NBEA: variants seen among roughly 807,000 people sequenced by gnomAD.
NBEA encodes the protein lysosomal-trafficking regulator 2.
NBEA carries 44 observed loss-of-function variants against 343.4 expected under a neutral mutation model. The observed-to-expected ratio is 0.13, with a 90% CI of 0.10 to 0.16. The LOEUF (loss-of-function observed/expected upper bound fraction) is 0.16, where lower values mean the gene tolerates loss of function less well. Among genes scored for constraint, NBEA ranks in the 10% least tolerant of loss-of-function variants. The pLI, the probability that NBEA is intolerant of heterozygous loss-of-function variation, is 1.00. For synonymous variants in NBEA, 1,175 were observed against 1,238.7 expected (o/e 0.95, Z 1.08); for missense variants, 2,555 against 3,631.3 (o/e 0.70, Z 7.62).
intron 38 of NBEA, among the ~76,000 whole-genome samples, chr13:35,413,021 C>T (rs1342776075): frequency 6.6e-6 from 1 of 152,112 alleles, no homozygotes; most frequent in African/African-American, 2.4e-5. Flanking sequence ...ACAATAAGCT[C>T]TCAGTAAATA....
At chr13:35,102,361 C>T (rs1197031396) in intron 11 of NBEA, among the ~76,000 whole-genome samples, 3 of 151,630 alleles carry the variant, frequency 2.0e-5, no homozygotes, top group Non-Finnish European at 4.4e-5. Flanking sequence ...TGTCATCTAG[C>T]TTTACTGTTG....
intron 38 of NBEA, among the ~76,000 whole-genome samples, chr13:35,374,456 G>A (rs556766086): frequency 1.3e-5 from 2 of 152,272 alleles, no homozygotes; most frequent in East Asian, 1.9e-4. Flanking sequence ...AAATGAGCAC[G>A]TGGCACCAAG....
intron 39 of NBEA, among the ~76,000 whole-genome samples, chr13:35,436,926 C>G (rs955549644): frequency 1.4e-4 from 21 of 152,230 alleles, no homozygotes; most frequent in African/African-American, 5.1e-4. Context: ...GTTGTCTACA[C>G]TGGGAGAACA....
chr13:35,475,073 A>G lies in NBEA; in HGVS notation c.6585+2537A>G, dbSNP rs373782242. On this transcript the variant is annotated intron_variant, in intron 41 of 58. Transcript: ENST00000379939. ...TAAATCATCCTCTAAAGTTTTTCCA[A>G]ACTTTTCGGGTTGGTCAGGATCTCT... is the stretch of plus-strand genomic sequence containing the variant. 8.7e-6 allele frequency: 14 copies of G among 1,610,950 alleles called. No individual in the cohort carries two copies. The Admixed American group carries it at 1.8e-4, about 21-fold the overall frequency.
chr13:35,580,566 G>T (rs1299202752), intron 45 of NBEA, among the ~76,000 whole-genome samples: 1 of 152,008 alleles, frequency 6.6e-6, no homozygotes, highest in Non-Finnish European at 1.5e-5. Flanking sequence ...GATATGATAG[G>T]TATCTATTAG....
intron 46 of NBEA, among the ~76,000 whole-genome samples, chr13:35,584,691 C>T (rs934623655): frequency 4.0e-5 from 6 of 151,624 alleles, no homozygotes; most frequent in Non-Finnish European, 1.5e-5. Context: ...GTAGAGACAG[C>T]GTTTCACCAT....
At chr13:35,548,752 A>G (rs2079179175) in intron 41 of NBEA, among the ~76,000 whole-genome samples, 1 of 152,170 alleles carries the variant, frequency 6.6e-6, no homozygotes, top group Admixed American at 6.5e-5. Flanking sequence ...TAAAAATCAT[A>G]CTGGTCTATG....
chr13:34,942,728 A>C lies in NBEA; in HGVS notation c.-93A>C, dbSNP rs562108004. On this transcript the variant is annotated 5_prime_UTR_variant, in exon 1 of 59. Transcript: ENST00000379939. ...GGCGCTGGTGGATGCTGGGGCTCCGAGGCGACGGCCGGGGGGCGGGGGCCG... is the reference window on the plus strand; with the variant it reads ...GGCGCTGGTGGATGCTGGGGCTCCGCGGCGACGGCCGGGGGGCGGGGGCCG... 6.6e-6 allele frequency: 7 copies of C among 1,061,708 alleles called. No individual in the cohort carries two copies. The African/African-American group carries it at 6.6e-5, about 10-fold the overall frequency. 65.8% of individuals were successfully genotyped at this position (1,061,708 alleles called of 1,614,324 possible).
intron 35 of NBEA, among the ~76,000 whole-genome samples, chr13:35,304,893 A>G (rs1014730344): frequency 1.3e-5 from 2 of 152,138 alleles, no homozygotes; most frequent in African/African-American, 2.4e-5. Flanking sequence ...TTAGTAAACT[A>G]TATTTTTGAA....
chr13:35,038,998 A>C (rs891991154), intron 1 of NBEA, among the ~76,000 whole-genome samples: 16 of 151,914 alleles, frequency 1.1e-4, no homozygotes, highest in African/African-American at 3.6e-4. Context: ...CACCAAGAGC[A>C]CTCTGGCCTT....
At chr13:35,586,295 G>A (rs563102716) in intron 46 of NBEA, among the ~76,000 whole-genome samples, 1 of 152,152 alleles carries the variant, frequency 6.6e-6, no homozygotes, top group Non-Finnish European at 1.5e-5. Flanking sequence ...TACATTTTAA[G>A]TAACTTGGAA....
Position 35,233,509 on chromosome 13 carries a change from C to T in NBEA, c.5776+890C>T, listed in dbSNP as rs76535862. ...TTTGTGGCCTTTGTGAATTACTTAGCCACTTTGTATCTTAGTTTCCTTTCT... is the reference window on the plus strand; with the variant it reads ...TTTGTGGCCTTTGTGAATTACTTAGTCACTTTGTATCTTAGTTTCCTTTCT... On this transcript the variant is annotated intron_variant, in intron 34 of 58. Transcript: ENST00000379939. Among the ~76,000 whole-genome samples the T allele has an allele frequency of 1.1e-4, 16 of 152,230 alleles. 1 individual carries two copies. The East Asian group carries it at 3.1e-3, about 29-fold the overall frequency.
At chr13:35,660,077 G>A (rs1032173876) in intron 55 of NBEA, among the ~76,000 whole-genome samples, 1 of 152,178 alleles carries the variant, frequency 6.6e-6, no homozygotes, top group East Asian at 1.9e-4. Flanking sequence ...TCTGACTGGT[G>A]TTCTTTAAAA....
At chr13:35,492,217 G>A (rs551557431) in intron 41 of NBEA, among the ~76,000 whole-genome samples, 2 of 151,924 alleles carry the variant, frequency 1.3e-5, no homozygotes, top group East Asian at 1.9e-4. Flanking sequence ...AGGGAATGAG[G>A]GATAAAAGAC....
intron 34 of NBEA, among the ~76,000 whole-genome samples, chr13:35,244,144 CT>C (rs2030802796): frequency 6.6e-6 from 1 of 151,606 alleles, no homozygotes; most frequent in East Asian, 1.9e-4. Flanking sequence ...AATGTAGAAA[CT>C]CCATAAACAC....
chr13:35,255,967 C>T (rs777252133), intron 34 of NBEA, among the ~76,000 whole-genome samples: 11 of 151,464 alleles, frequency 7.3e-5, no homozygotes, highest in African/African-American at 1.5e-4. Context: ...AGCTCCTTTC[C>T]GCAGGCAGGT....
chr13:35,320,092 AC>A (rs2038032151), intron 36 of NBEA, among the ~76,000 whole-genome samples: 1 of 152,106 alleles, frequency 6.6e-6, no homozygotes, highest in Non-Finnish European at 1.5e-5. Context: ...AGCCCATTTA[AC>A]ATTTAAGGTT....
At chr13:34,980,892 A>G (rs1403724235) in intron 1 of NBEA, among the ~76,000 whole-genome samples, 1 of 152,068 alleles carries the variant, frequency 6.6e-6, no homozygotes, top group African/African-American at 2.4e-5. Context: ...TAGTATGATA[A>G]TAGTTATATG....
chr13:34,942,932 G>C lies in NBEA; in HGVS notation c.112G>C (p.Gly38Arg). 1 of 1,551,622 alleles carries C rather than the reference G, an allele frequency of 6.4e-7. No homozygotes were observed. The highest frequency in any genetic ancestry group is 1.2e-5 in the South Asian group (1 of 84,940). ...CGGGGGCAGCGGTGGTGGCGGCACC[G>C]GGGGCAGCGGGATGGGGGAGCTAAG... Reference protein sequence around the residue: ...GGGGSGGGGTGGSGMGELRGA... With the variant: ...GGGGSGGGGTRGSGMGELRGA... Residue 38 changes from glycine (G) to arginine (R), a missense_variant, in exon 1 of 59, where the codon GGG becomes CGG. Gly to Arg is a moderately radical substitution (Grantham distance 125, BLOSUM62 -2). This residue lies in a region of NBEA where 122 missense variants were observed against 91.0 expected (regional missense o/e 1.34). Transcript: ENST00000379939.
Sources: allele counts gnomAD v4.1 joint callset (sites outside exome capture counted in the v4.1 genomes callset), GRCh38; gene constraint gnomAD v4.1.1; regional missense constraint gnomAD v4.1.1; transcripts MANE v1.5; gene names NCBI Gene and HGNC (gene_info 2026-07-23, HGNC 2026-07-21).